The following PTPN23 variants were observed in gnomAD, a reference collection of about 807,000 sequenced individuals.
PTPN23 encodes protein tyrosine phosphatase non-receptor type 23, also known as tyrosine-protein phosphatase non-receptor type 23.
PTPN23 carries 72 observed loss-of-function variants against 156.3 expected under a neutral mutation model. The ratio of observed to expected loss-of-function variants is 0.46; its 90% CI spans 0.38 to 0.56. PTPN23 has a LOEUF of 0.56. Among genes scored for constraint, PTPN23 ranks in the 20% least tolerant of loss-of-function variants. The probability of loss-of-function intolerance (pLI) is 0.00; values close to 1 mark genes in which losing one functional copy is unlikely to be tolerated. For missense variants in PTPN23, 1,974 were observed against 2,171.5 expected, an observed-to-expected ratio of 0.91 and a Z score of 1.81; for synonymous variants, 957 against 899.6, an observed-to-expected ratio of 1.06 and a Z score of -1.14.
At chr3:47,399,915 A>G (rs1704958287) in intron 2 of PTPN23, among the ~76,000 whole-genome samples, 1 of 152,150 alleles carries the variant, frequency 6.6e-6, no homozygotes, top group Non-Finnish European at 1.5e-5. Flanking sequence ...CCTGGATTCA[A>G]GCGATCCTCC....
Position 47,411,135 on chromosome 3 carries a change from G to T in PTPN23, c.3337G>T (p.Gly1113Cys). 6.2e-7 allele frequency: 1 copy of T among 1,601,262 alleles called. No homozygotes were observed. Among genetic ancestry groups the T allele is most frequent in the East Asian group, 2.3e-5 (1 of 43,884 alleles). ...AAEPPPCLRR[G>C]AAAADLLSSS... ...AGAACCACCCCCTTGCCTGCGCCGAGGCGCCGCAGCTGCAGACCTGCTCTC... is the reference window on the plus strand; with the variant it reads ...AGAACCACCCCCTTGCCTGCGCCGATGCGCCGCAGCTGCAGACCTGCTCTC... The change falls in exon 20 of 25, where the codon GGC becomes TGC. Residue 1113 changes from glycine to cysteine, a missense_variant. Coordinates refer to ENST00000265562, the MANE Select transcript of PTPN23 (RefSeq NM_015466.4). This position sits in a 1 kb window ranked among gnomAD's most constrained non-coding sequence, Gnocchi z 6.3.
rs780129180 is a variant in PTPN23, at chr3:47,413,149, C to T, written c.4875C>T (p.Ser1625=). 1.9e-6 allele frequency: 3 copies of T among 1,612,610 alleles called. No homozygotes were observed. Among genetic ancestry groups the T allele is most frequent in the East Asian group, 4.5e-5 (2 of 44,880 alleles). ...CCCGGCCCTCTGACGACCCCCTCAG[C>T]CTTCTGGATCCACTCTGGACACTCA... ...RATRPSDDPL[S]LLDPLWTLNK... is the part of the protein sequence containing the mutation. The change falls in exon 25 of 25, where the codon AGC becomes AGT. Residue 1625 remains serine, a synonymous_variant. Transcript: ENST00000265562.
At chr3:47,382,252 A>G (rs1056454981) in intron 1 of PTPN23, among the ~76,000 whole-genome samples, 3 of 152,152 alleles carry the variant, frequency 2.0e-5, no homozygotes, top group Non-Finnish European at 4.4e-5. Context: ...TAATTGATCC[A>G]AAATTCTAGA....
At position 47,412,531 on chromosome 3, in the gene PTPN23, C is replaced by T. The variant is rs1705341430; in HGVS notation, c.4335C>T (p.Cys1445=). The change falls in exon 24 of 25, where the codon TGC becomes TGT. Residue 1445 remains cysteine (C), a synonymous_variant. Transcript: ENST00000265562. ...MLQEKLHLRF[C]YEAVVRHVEQ... ...CTGTGCAGCTGCACCTCAGGTTCTG[C>T]TATGAGGCAGTGGTGAGACACGTGG... 1 of 1,613,420 alleles carries T rather than the reference C, an allele frequency of 6.2e-7. No homozygotes were observed. The highest frequency in any genetic ancestry group is 8.5e-7 in the Non-Finnish European group (1 of 1,179,910).
rs1254510904 is a variant in PTPN23 at position 47,411,619 on chromosome 3, G to C, written c.3821G>C (p.Trp1274Ser). ...APLPGTAADF[W>S]LMVHEQKVSV... is the part of the protein sequence containing the mutation. ...CTGCCTGGCACAGCTGCTGACTTCTGGCTCATGGTCCATGAGCAGAAAGTG... is the reference window on the plus strand; with the variant it reads ...CTGCCTGGCACAGCTGCTGACTTCTCGCTCATGGTCCATGAGCAGAAAGTG... The change falls in exon 20 of 25, where the codon TGG becomes TCG. Residue 1274 changes from tryptophan (W) to serine (S), a missense_variant. Physicochemically the swap from Trp to Ser is radical, Grantham distance 177. This residue lies in a region of PTPN23 where 484 missense variants were observed against 516.0 expected (regional missense o/e 0.94). Transcript: ENST00000265562. This position sits in a 1 kb window ranked among gnomAD's most constrained non-coding sequence, Gnocchi z 6.3. 6.2e-7 allele frequency: 1 copy of C among 1,611,846 alleles called. No individual in the cohort carries two copies. The highest frequency in any genetic ancestry group is 2.2e-5 in the East Asian group (1 of 44,864).
In PTPN23 at chr3:47,413,306, C is replaced by A. The variant is rs1705379303; in HGVS notation, c.*121C>A. The A allele has an allele frequency of 7.2e-7, 1 of 1,396,182 alleles. No individual in the cohort carries two copies. The highest frequency in any genetic ancestry group is 1.4e-5 in the South Asian group (1 of 72,966). The allele number at this position is 1,396,182 out of a possible 1,614,324, so 86.5% of individuals were successfully genotyped here. ...ACTCCCATTTCTGCTGCCTTTGGCCCTGCCTGGCCCAGCCTGCACCCCTGT... is the reference window on the plus strand; with the variant it reads ...ACTCCCATTTCTGCTGCCTTTGGCCATGCCTGGCCCAGCCTGCACCCCTGT... On this transcript the variant is annotated 3_prime_UTR_variant, in exon 25 of 25. Coordinates refer to ENST00000265562, the MANE Select transcript of PTPN23 (RefSeq NM_015466.4).
At position 47,410,824 on chromosome 3, in the gene PTPN23, AGCC is replaced by A; in HGVS notation, c.3030_3032del (p.Pro1013del). 7.2e-7 allele frequency: 1 copy of A among 1,379,836 alleles called. No homozygotes were observed. The highest frequency in any genetic ancestry group is 9.6e-7 in the Non-Finnish European group (1 of 1,040,070). 85.5% of individuals were successfully genotyped at this position (1,379,836 alleles called of 1,614,324 possible). On this transcript the variant is annotated inframe_deletion, in exon 20 of 25. Coordinates refer to ENST00000265562, the MANE Select transcript of PTPN23 (RefSeq NM_015466.4). Reference sequence around the variant, plus strand: ...GCCCCTCAGCCTGGGGTCCTGGGGCAGCCGCCACCCCCCCTACACACCCAGCTC... The same window carrying A: ...GCCCCTCAGCCTGGGGTCCTGGGGCAGCCACCCCCCCTACACACCCAGCTC...
At chr3:47,400,333 G>A (rs966881041) in intron 2 of PTPN23, among the ~76,000 whole-genome samples, 3 of 152,188 alleles carry the variant, frequency 2.0e-5, no homozygotes, top group Non-Finnish European at 4.4e-5. Context: ...GTGATTACAG[G>A]GAATAAAACT....
At chr3:47,382,583 A>G (rs1704566778) in intron 1 of PTPN23, among the ~76,000 whole-genome samples, 2 of 151,060 alleles carry the variant, frequency 1.3e-5, no homozygotes, top group East Asian at 3.9e-4. Context: ...GGCCTCCCAA[A>G]GTGCTGGGAT....
At position 47,412,854 on chromosome 3, in the gene PTPN23, C is replaced by G; in HGVS notation, c.4580C>G (p.Pro1527Arg). ...VASLPGPAEP[P>R]GLPPASLPES... ...AGCTTGCCAGGCCCTGCAGAGCCCC[C>G]AGGCCTCCCGCCAGCCAGCCTCCCA... Residue 1527 changes from proline (P) to arginine (R), a missense_variant, in exon 25 of 25, where the codon CCA becomes CGA. Pro to Arg is a moderately radical substitution (Grantham distance 103, BLOSUM62 -2). Transcript: ENST00000265562. The G allele has an allele frequency of 6.2e-7, 1 of 1,613,400 alleles. No individual in the cohort carries two copies. The highest frequency in any genetic ancestry group is 8.5e-7 in the Non-Finnish European group (1 of 1,179,832).
At chr3:47,393,307 C>A (rs1278271767) in intron 1 of PTPN23, among the ~76,000 whole-genome samples, 2 of 152,000 alleles carry the variant, frequency 1.3e-5, no homozygotes, top group African/African-American at 4.8e-5. Flanking sequence ...TGCCCACCAC[C>A]ATGCCTGGCT....
In PTPN23 at chr3:47,409,015, G is replaced by A. The variant is rs759130449; in HGVS notation, c.1570G>A (p.Gly524Ser). The A allele has an allele frequency of 4.6e-5, 74 of 1,613,952 alleles. No homozygotes were observed. The highest frequency in any genetic ancestry group is 5.6e-5 in the Non-Finnish European group (66 of 1,180,048). The change falls in exon 16 of 25, where the codon GGC becomes AGC. Residue 524 changes from glycine (G) to serine (S), a missense_variant. Transcript: ENST00000265562. ...ELHRAMNLHV[G>S]NLRLLSGPLD... is the part of the protein sequence containing the mutation. ...GCACCGTGCCATGAACCTGCACGTCGGCAACCTGCGCCTGCTCAGCGGGCC... is the reference window on the plus strand; with the variant it reads ...GCACCGTGCCATGAACCTGCACGTCAGCAACCTGCGCCTGCTCAGCGGGCC...
chr3:47,392,846 C>G (rs1473250971), intron 1 of PTPN23, among the ~76,000 whole-genome samples: 1 of 152,032 alleles, frequency 6.6e-6, no homozygotes, highest in African/African-American at 2.4e-5. Flanking sequence ...CACCCAAATT[C>G]TCACTATCTA....
Position 47,411,571 on chromosome 3 carries a change from C to A in PTPN23, c.3773C>A (p.Pro1258Gln). The A allele has an allele frequency of 1.2e-6, 2 of 1,612,716 alleles. No homozygotes were observed. The highest frequency in any genetic ancestry group is 1.7e-6 in the Non-Finnish European group (2 of 1,179,984). The change falls in exon 20 of 25, where the codon CCG becomes CAG. Residue 1258 changes from proline to glutamine, a missense_variant. By Grantham distance (76) the Pro-to-Gln change is moderately conservative. Around this residue, in one of 4 missense-constraint regions of PTPN23, gnomAD observed 484 missense variants for 516.0 expected, o/e 0.94. Transcript: ENST00000265562. The surrounding 1 kb of genome is among the most constrained non-coding windows in gnomAD (Gnocchi z 6.3). ...CVEGLSPYCP[P>Q]LVATQAPLPG... is the part of the protein sequence containing the mutation. ...GAGGGGCTCTCCCCATACTGCCCCCCGCTAGTGGCAACCCAGGCCCCACTG... is the reference window on the plus strand; with the variant it reads ...GAGGGGCTCTCCCCATACTGCCCCCAGCTAGTGGCAACCCAGGCCCCACTG...
chr3:47,410,028 G>A lies in PTPN23; in HGVS notation c.2230G>A (p.Glu744Lys), dbSNP rs1272698903. 47 of 1,610,700 alleles carry A rather than the reference G, an allele frequency of 2.9e-5. No homozygotes were observed. The highest frequency in any genetic ancestry group is 4.0e-5 in the Non-Finnish European group (47 of 1,178,808). The change falls in exon 20 of 25, where the codon GAG becomes AAG. Residue 744 changes from glutamate to lysine, a missense_variant. Glu to Lys is a moderately conservative substitution (Grantham distance 56, BLOSUM62 1). This residue lies in a region of PTPN23 where 731 missense variants were observed against 669.1 expected (regional missense o/e 1.09). Coordinates refer to ENST00000265562, the MANE Select transcript of PTPN23 (RefSeq NM_015466.4). ...AGTGGAAGCAGGAGACCCCCCTGAG[G>A]AGCTGCGCAGCCTCCCCCCTGACAT... Reference protein sequence around the residue: ...EAVEAGDPPEELRSLPPDMVA... With the variant: ...EAVEAGDPPEKLRSLPPDMVA...
In PTPN23 at chr3:47,411,431, C is replaced by T. The variant is rs369737264; in HGVS notation, c.3633C>T (p.Ile1211=). Reference sequence around the variant, plus strand: ...AACATGATGCCCGAGGCCGTTCCATCGCCATTGCCCGCTGCTACTCACTGA... The same window carrying T: ...AACATGATGCCCGAGGCCGTTCCATTGCCATTGCCCGCTGCTACTCACTGA... ...AQEHDARGRS[I]AIARCYSLKN... is the part of the protein sequence containing the mutation. Residue 1211 remains isoleucine (I), a synonymous_variant, in exon 20 of 25, where the codon ATC becomes ATT. Transcript: ENST00000265562. The surrounding 1 kb of genome is among the most constrained non-coding windows in gnomAD (Gnocchi z 6.3). The T allele has an allele frequency of 7.4e-6, 12 of 1,613,006 alleles. No individual in the cohort carries two copies. The highest frequency in any genetic ancestry group is 4.0e-5 in the African/African-American group (3 of 74,922).
chr3:47,410,734 A>G lies in PTPN23; in HGVS notation c.2936A>G (p.Gln979Arg), dbSNP rs1576231011. The change falls in exon 20 of 25, where the codon CAG (glutamine) becomes CGG (arginine). Residue 979 changes from glutamine to arginine, a missense_variant. Around this residue, in one of 4 missense-constraint regions of PTPN23, gnomAD observed 731 missense variants for 669.1 expected, o/e 1.09. Transcript: ENST00000265562. ...CCCCCACAGCAGCCCCTTCCACTCC[A>G]GCATCCACATCTCTTCCCACCCCAG... is the stretch of plus-strand genomic sequence containing the variant. ...PQPPQQPLPL[Q>R]HPHLFPPQAP... The G allele has an allele frequency of 1.9e-6, 3 of 1,538,546 alleles. No homozygotes were observed. The highest frequency in any genetic ancestry group is 2.6e-6 in the Non-Finnish European group (3 of 1,148,516).
At position 47,410,233 on chromosome 3, in the gene PTPN23, C is replaced by G; in HGVS notation, c.2435C>G (p.Ala812Gly). 1 of 1,611,576 alleles carries G rather than the reference C, an allele frequency of 6.2e-7. No homozygotes were observed. The highest frequency in any genetic ancestry group is 8.5e-7 in the Non-Finnish European group (1 of 1,178,858). Residue 812 changes from alanine to glycine, a missense_variant, in exon 20 of 25, where the codon GCA (alanine) becomes GGA (glycine). This residue lies in a region of PTPN23 where 731 missense variants were observed against 669.1 expected (regional missense o/e 1.09). Coordinates refer to ENST00000265562, the MANE Select transcript of PTPN23 (RefSeq NM_015466.4). The stretch of plus-strand genomic sequence containing the variant: ...CAGCCCAGGGCCCCAGGGCCCCATG[C>G]AATGCCCGTAGCACCTGGGCCTGCC... ...LIQPRAPGPH[A>G]MPVAPGPALY...
At chr3:47,404,526 T>C (rs1705075646) in intron 2 of PTPN23, 126 bp from the exon 3 acceptor site, 1 of 1,299,510 alleles carries the variant, frequency 7.7e-7, no homozygotes, top group East Asian at 2.3e-5. Context: ...CATGGACTTT[T>C]TGGGATCCCT....
Sources: gnomAD v4.1 joint callset for allele counts (sites outside exome capture counted in the v4.1 genomes callset) on GRCh38, gnomAD v4.1.1 for gene constraint, gnomAD v4.1.1 regional missense constraint, Gnocchi (gnomAD v3.1) non-coding constraint, MANE v1.5 for transcripts, NCBI Gene and HGNC (gene_info 2026-07-23, HGNC 2026-07-21) for gene names.